CNTNAP2: variants seen among roughly 807,000 people sequenced by gnomAD.
The protein encoded by CNTNAP2 is contactin-associated protein-like 2.
A neutral mutation model predicts 155.2 loss-of-function variants in CNTNAP2; 98 were observed. The observed-to-expected ratio is 0.63, with a 90% CI of 0.54 to 0.75. The LOEUF (loss-of-function observed/expected upper bound fraction) is 0.75. Among genes scored for constraint, CNTNAP2 ranks in the 30% least tolerant of loss-of-function variants. The pLI is 0.00. For synonymous variants in CNTNAP2, 651 were observed against 631.2 expected (o/e 1.03, Z -0.47); for missense variants, 1,727 against 1,688.1 (o/e 1.02, Z -0.40).
At chr7:147,968,203 A>G (rs763746724) in intron 14 of CNTNAP2, among the ~76,000 whole-genome samples, 1 of 152,266 alleles carries the variant, frequency 6.6e-6, no homozygotes, top group Non-Finnish European at 1.5e-5. Flanking sequence ...GGCAAATCAA[A>G]GAAAAACGTT....
chr7:146,829,110 T>C (rs960059817), intron 2 of CNTNAP2, among the ~76,000 whole-genome samples: 2 of 152,030 alleles, frequency 1.3e-5, no homozygotes, highest in African/African-American at 2.4e-5. Context: ...GATCTTAAAA[T>C]ATAATTGTTG....
chr7:147,167,048 C>T (rs1024252374), intron 8 of CNTNAP2, among the ~76,000 whole-genome samples: 1 of 152,022 alleles, frequency 6.6e-6, no homozygotes, highest in African/African-American at 2.4e-5. Context: ...AATCTCTTTT[C>T]CTCTGAACAA....
At chr7:147,449,799 A>T (rs1797800323) in intron 10 of CNTNAP2, among the ~76,000 whole-genome samples, 1 of 152,172 alleles carries the variant, frequency 6.6e-6, no homozygotes, top group African/African-American at 2.4e-5. Context: ...TTGATTCTAA[A>T]GTTGTTTTAG....
At chr7:148,193,710 T>C (rs1438163056) in intron 18 of CNTNAP2, among the ~76,000 whole-genome samples, 6 of 152,056 alleles carry the variant, frequency 3.9e-5, no homozygotes, top group Non-Finnish European at 8.8e-5. Context: ...CAGCCCACAC[T>C]CCTTATCTGA....
intron 13 of CNTNAP2, among the ~76,000 whole-genome samples, chr7:147,641,136 G>A (rs1227317705): frequency 6.6e-6 from 1 of 151,500 alleles, no homozygotes; most frequent in African/African-American, 2.4e-5. Context: ...CTAAGAGCGG[G>A]GGCTTTCCTG....
At chr7:146,497,225 T>C (rs959925780) in intron 1 of CNTNAP2, among the ~76,000 whole-genome samples, 2 of 152,204 alleles carry the variant, frequency 1.3e-5, no homozygotes, top group South Asian at 4.1e-4. Flanking sequence ...TTGTGTCTAT[T>C]GATTAAAAAT....
intron 1 of CNTNAP2, among the ~76,000 whole-genome samples, chr7:146,704,637 T>C (rs1309023070): frequency 6.6e-6 from 1 of 152,170 alleles, no homozygotes; most frequent in East Asian, 1.9e-4. Flanking sequence ...TAGAAAATAC[T>C]CACTAGCCTA....
intron 1 of CNTNAP2, among the ~76,000 whole-genome samples, chr7:146,510,843 CTG>C (rs1797454607): frequency 6.6e-6 from 1 of 151,974 alleles, no homozygotes; most frequent in South Asian, 2.1e-4. Flanking sequence ...TATAATAAAA[CTG>C]TACTAATTTT....
At chr7:146,567,880 C>T (rs936007141) in intron 1 of CNTNAP2, among the ~76,000 whole-genome samples, 5 of 152,160 alleles carry the variant, frequency 3.3e-5, no homozygotes, top group African/African-American at 9.7e-5. Flanking sequence ...GCCACCACGC[C>T]TGGCTAATAT....
chr7:147,612,084 T>G (rs1466401969), intron 12 of CNTNAP2, among the ~76,000 whole-genome samples: 2 of 152,178 alleles, frequency 1.3e-5, no homozygotes, highest in Non-Finnish European at 2.9e-5. Context: ...TAAAAAACAC[T>G]GCATCATAAT....
chr7:148,187,686 T>C (rs945167292), intron 18 of CNTNAP2, among the ~76,000 whole-genome samples: 5 of 152,220 alleles, frequency 3.3e-5, no homozygotes, highest in Non-Finnish European at 7.3e-5. Flanking sequence ...TGTACAACTA[T>C]GAGCTTCCGG....
intron 8 of CNTNAP2, among the ~76,000 whole-genome samples, chr7:147,194,472 G>C (rs1466463960): frequency 2.6e-5 from 4 of 152,106 alleles, no homozygotes; most frequent in African/African-American, 9.7e-5. Flanking sequence ...GGATCAAATG[G>C]TATTTCTGGT....
chr7:146,984,116 C>T (rs1263462590), intron 3 of CNTNAP2, among the ~76,000 whole-genome samples: 3 of 151,960 alleles, frequency 2.0e-5, no homozygotes, highest in African/African-American at 2.4e-5. Context: ...GCCTGTAATC[C>T]CAGCACTTTG....
intron 15 of CNTNAP2, among the ~76,000 whole-genome samples, chr7:148,069,982 A>G (rs946450676): frequency 1.3e-5 from 2 of 152,204 alleles, no homozygotes; most frequent in Non-Finnish European, 2.9e-5. Flanking sequence ...TGACAACTGC[A>G]TAAGTAAGCT....
chr7:147,349,485 G>A (rs1011588401), intron 9 of CNTNAP2, among the ~76,000 whole-genome samples: 1 of 151,732 alleles, frequency 6.6e-6, no homozygotes, highest in Non-Finnish European at 1.5e-5. Flanking sequence ...ATTTTGTAGG[G>A]TGAATTTCAT....
intron 3 of CNTNAP2, among the ~76,000 whole-genome samples, chr7:146,977,067 T>TA (rs1797926058): frequency 6.6e-6 from 1 of 152,074 alleles, no homozygotes; most frequent in South Asian, 2.1e-4. Flanking sequence ...TCCTGAGGTC[T>TA]AAAGAACCCC....
chr7:146,579,438 A>C (rs2129147436), intron 1 of CNTNAP2, among the ~76,000 whole-genome samples: 1 of 152,260 alleles, frequency 6.6e-6, no homozygotes, highest in South Asian at 2.1e-4. Flanking sequence ...TATAATAGGA[A>C]GTGCCTCAGA....
At chr7:148,321,962 G>A (rs1275796837) in intron 21 of CNTNAP2, among the ~76,000 whole-genome samples, 2 of 150,530 alleles carry the variant, frequency 1.3e-5, no homozygotes, top group East Asian at 2.0e-4. Flanking sequence ...GGAGTGCAAT[G>A]GCGTGATCTC....
chr7:147,728,166 A>C (rs570004738), intron 13 of CNTNAP2, among the ~76,000 whole-genome samples: 1 of 36,450 alleles, frequency 2.7e-5, no homozygotes, highest in South Asian at 1.9e-3. Flanking sequence ...ATATGTATAC[A>C]CACACAATGT....
Sources: gnomAD v4.1 joint callset for allele counts (sites outside exome capture counted in the v4.1 genomes callset) on GRCh38, gnomAD v4.1.1 for gene constraint, MANE v1.5 for transcripts, NCBI Gene and HGNC (gene_info 2026-07-23, HGNC 2026-07-21) for gene names.